Variants in SPG11 observed in about 807,000 individuals in gnomAD.
SPG11 encodes the protein SPG11 vesicle trafficking associated, spatacsin, also known as spatacsin.
SPG11 carries 222 observed loss-of-function variants against 274.0 expected under a neutral mutation model. That is an observed-to-expected ratio of 0.81 (90% CI 0.73 to 0.91). The LOEUF is 0.91. Among genes scored for constraint, SPG11 ranks in the 40% least tolerant of loss-of-function variants. The probability of loss-of-function intolerance (pLI) is 0.00; values close to 1 mark genes in which losing one functional copy is unlikely to be tolerated. For missense variants in SPG11, 3,114 were observed against 2,872.7 expected (o/e 1.08, Z -1.92); for synonymous variants, 1,144 against 1,039.7 (o/e 1.10, Z -1.93).
At chr15:44,652,094 G>C (rs375803110) in intron 5 of SPG11, 35 bp downstream of exon 5, 3 of 1,612,804 alleles carry the variant, frequency 1.9e-6, no homozygotes, top group Non-Finnish European at 2.5e-6. Context: ...TAAAAAATAA[G>C]AACAATAAAC....
At chr15:44,607,052 G>C (rs1235070702) in intron 19 of SPG11, among the ~76,000 whole-genome samples, 1 of 152,190 alleles carries the variant, frequency 6.6e-6, no homozygotes, top group Non-Finnish European at 1.5e-5. Flanking sequence ...AGACACTTCT[G>C]TCAGTATAAA....
intron 30 of SPG11, 124 bp from the exon 31 acceptor site, chr15:44,575,165 A>T (rs950952997): frequency 6.3e-5 from 76 of 1,206,592 alleles, no homozygotes; most frequent in Non-Finnish European, 8.9e-5. Flanking sequence ...CTGACTGGGG[A>T]TAGGACCACT....
At chr15:44,572,596 G>T in intron 33 of SPG11, 87 bp downstream of exon 33, 1 of 1,410,616 alleles carries the variant, frequency 7.1e-7, no homozygotes, top group Non-Finnish European at 1.0e-6. Context: ...GCAGGAACAG[G>T]GACCCAAATC....
At chr15:44,587,855 A>T (rs1398646258) in intron 28 of SPG11, among the ~76,000 whole-genome samples, 1 of 152,188 alleles carries the variant, frequency 6.6e-6, no homozygotes, top group East Asian at 1.9e-4. Context: ...TAATTATTCA[A>T]AGATAGATTA....
intron 30 of SPG11, among the ~76,000 whole-genome samples, chr15:44,581,238 A>C (rs1466480399): frequency 1.3e-5 from 2 of 152,188 alleles, no homozygotes; most frequent in African/African-American, 2.4e-5. Flanking sequence ...ACAGGTTCTT[A>C]CTTTGTTGCC....
chr15:44,637,900 C>T (rs1388357774), intron 7 of SPG11, among the ~76,000 whole-genome samples: 1 of 152,164 alleles, frequency 6.6e-6, no homozygotes, highest in African/African-American at 2.4e-5. Context: ...ATGCATGTTA[C>T]TGCCTCTGAA....
chr15:44,629,465 G>C (rs372071398), intron 8 of SPG11, 77 bp from the exon 9 acceptor site: 26 of 1,441,150 alleles, frequency 1.8e-5, no homozygotes, highest in Non-Finnish European at 2.2e-5. Flanking sequence ...AAAATATCAT[G>C]TTACAATATT....
rs564253513 is a variant in SPG11 at position 44,654,797 on chromosome 15, T to C, written c.869+2298A>G. Reference sequence around the variant, plus strand: ...GGTGCAGTGAGCTGAGATTGCACCATTGCGCTCCATCCCGGACAACAAGAG... The same window carrying C: ...GGTGCAGTGAGCTGAGATTGCACCACTGCGCTCCATCCCGGACAACAAGAG... On this transcript the variant is annotated intron_variant, in intron 4 of 39. Coordinates refer to ENST00000261866, the MANE Select transcript of SPG11 (RefSeq NM_025137.4). Among the ~76,000 whole-genome samples, 7 of 151,788 alleles carry C rather than the reference T, an allele frequency of 4.6e-5. No homozygotes were observed. In the South Asian group the frequency reaches 6.2e-4, roughly 14 times the overall value.
chr15:44,632,734 C>T (rs1226655409), intron 8 of SPG11, among the ~76,000 whole-genome samples: 2 of 151,918 alleles, frequency 1.3e-5, no homozygotes, highest in Non-Finnish European at 2.9e-5. Context: ...GTCTCAAACT[C>T]CTAGACTCAA....
chr15:44,579,526 CAAAAAAAAAAAAAA>C (rs954664107), intron 30 of SPG11, among the ~76,000 whole-genome samples: 50 of 51,870 alleles, frequency 9.6e-4, no homozygotes, highest in African/African-American at 3.5e-3. Context: ...GACTCCGTCT[CAAAAAAAAAAAAAA>C]AAAAAAAAAG....
chr15:44,566,127 T>G, intron 37 of SPG11, 90 bp downstream of exon 37: 4 of 1,590,030 alleles, frequency 2.5e-6, no homozygotes, highest in Non-Finnish European at 3.4e-6. Context: ...GCCCTCCCGC[T>G]TCACCTGGAA....
chr15:44,651,546 T>C lies in SPG11; in HGVS notation c.1401A>G (p.Thr467=). Residue 467 remains threonine, a synonymous_variant, in exon 6 of 40, where the codon ACA becomes ACG. Transcript: ENST00000261866. ...TQGMQCFSLG[T]KCIPVDSSGD... is the part of the protein sequence containing the mutation. ...CACTACTGTCTACAGGAATACACTT[T>C]GTGCCAAGGGAAAAACACTGCATGC... 6.2e-7 allele frequency: 1 copy of C among 1,614,204 alleles called. No homozygotes were observed. Among genetic ancestry groups the C allele is most frequent in the Non-Finnish European group, 8.5e-7 (1 of 1,180,036 alleles).
At position 44,566,293 on chromosome 15, in the gene SPG11, T is replaced by C. The variant is rs1291158108; in HGVS notation, c.6767A>G (p.Lys2256Arg). ...CAGTTGTTTCAGCTGGTGCCCATCC[T>C]TGAGGCTGTCCTCTGTAGGGGAAAT... ...IESQPWEDSL[K>R]DGHQLKQLLL... The change falls in exon 37 of 40, where the codon AAG becomes AGG. Residue 2256 changes from lysine to arginine, a missense_variant. Physicochemically the swap from Lys to Arg is conservative, Grantham distance 26. Transcript: ENST00000261866. 3 of 1,614,142 alleles carry C rather than the reference T, an allele frequency of 1.9e-6. No individual in the cohort carries two copies. The highest frequency in any genetic ancestry group is 1.7e-6 in the Non-Finnish European group (2 of 1,180,006).
At chr15:44,661,808 A>G (rs888536139) in intron 1 of SPG11, among the ~76,000 whole-genome samples, 1 of 152,226 alleles carries the variant, frequency 6.6e-6, no homozygotes, top group East Asian at 1.9e-4. Context: ...TAATTTCAAC[A>G]ATATTAAAAA....
At chr15:44,614,857 C>T (rs2083552822) in intron 16 of SPG11, among the ~76,000 whole-genome samples, 1 of 152,094 alleles carries the variant, frequency 6.6e-6, no homozygotes, top group Non-Finnish European at 1.5e-5. Context: ...TAACACTGGC[C>T]ACAGATATGA....
chr15:44,589,412 A>G lies in SPG11; in HGVS notation c.4746T>C (p.Leu1582=). ...GGTGGACCTTTGTGGCTGCTGTGTT[A>G]AGCTATGAAAGAAAAAGAGAAGCTT... ...LLEFQKSLET[L]NTAATKVHPV... is the part of the protein sequence containing the mutation. The change falls in exon 28 of 40, where the codon CTT becomes CTC. Residue 1582 remains leucine, a splice_region_variant and synonymous_variant. Transcript: ENST00000261866. 1 of 1,614,060 alleles carries G rather than the reference A, an allele frequency of 6.2e-7. No homozygotes were observed. Among genetic ancestry groups the G allele is most frequent in the Non-Finnish European group, 8.5e-7 (1 of 1,179,892 alleles).
chr15:44,600,617 A>C lies in SPG11; in HGVS notation c.3536T>G (p.Leu1179Arg). The C allele has an allele frequency of 6.2e-7, 1 of 1,614,094 alleles. No homozygotes were observed. Among genetic ancestry groups the C allele is most frequent in the Non-Finnish European group, 8.5e-7 (1 of 1,179,960 alleles). The change falls in exon 21 of 40, where the codon CTC (leucine) becomes CGC (arginine). Residue 1179 changes from leucine to arginine, a missense_variant. Leu to Arg is a moderately radical substitution (Grantham distance 102). Coordinates refer to ENST00000261866, the MANE Select transcript of SPG11 (RefSeq NM_025137.4). The part of the protein sequence containing the change: ...TLAIGDAWSH[L>R]PHFSSPDLVN... ...CAGGTCAGGGCTAGAGAAATGTGGG[A>C]GATGACTCCATGCATCTAGGGGGAA...
chr15:44,639,044 CCTG>C (rs2084364193), intron 7 of SPG11, among the ~76,000 whole-genome samples: 2 of 151,356 alleles, frequency 1.3e-5, no homozygotes, highest in Admixed American at 1.3e-4. Flanking sequence ...TAAACTGTAT[CCTG>C]CGTATTTTTT....
chr15:44,563,638 T>G (rs1165660604), intron 39 of SPG11, among the ~76,000 whole-genome samples: 1 of 149,984 alleles, frequency 6.7e-6, no homozygotes, highest in East Asian at 2.0e-4. Flanking sequence ...GTGGCTGCCC[T>G]TTTTTTTCTC....
Sources: gnomAD v4.1 joint callset for allele counts (sites outside exome capture counted in the v4.1 genomes callset) on GRCh38, gnomAD v4.1.1 for gene constraint, MANE v1.5 for transcripts, NCBI Gene and HGNC (gene_info 2026-07-23, HGNC 2026-07-21) for gene names.